The following JMJD1C variants were observed in gnomAD, a reference collection of about 807,000 sequenced individuals.
JMJD1C encodes the protein jumonji domain-containing protein 1C.
JMJD1C carries 31 observed loss-of-function variants against 245.3 expected under a neutral mutation model. That is an observed-to-expected ratio of 0.13 (90% CI 0.09 to 0.17). The LOEUF is 0.17. Among genes scored for constraint, JMJD1C ranks in the 10% least tolerant of loss-of-function variants. The pLI, the probability that JMJD1C is intolerant of heterozygous loss-of-function variation, is 1.00. For synonymous variants in JMJD1C, 1,057 were observed against 1,017.4 expected (o/e 1.04, Z -0.74); for missense variants, 2,691 against 3,000.2 (o/e 0.90, Z 2.41).
intron 5 of JMJD1C, among the ~76,000 whole-genome samples, chr10:63,216,434 G>A (rs1847985086): frequency 6.6e-6 from 1 of 152,098 alleles, no homozygotes; most frequent in South Asian, 2.1e-4. Context: ...ATAGGAGCCG[G>A]GCGCGGTGGC....
At chr10:63,486,643 A>G (rs192673415) in intron 1 of JMJD1C, among the ~76,000 whole-genome samples, 130 of 152,246 alleles carry the variant, frequency 8.5e-4, no homozygotes, top group Non-Finnish European at 8.8e-5. Context: ...TTAACTGCAT[A>G]TCACCCTGCA....
chr10:63,481,431 T>TA (rs1382426048), intron 1 of JMJD1C, among the ~76,000 whole-genome samples: 89 of 146,402 alleles, frequency 6.1e-4, no homozygotes, highest in Admixed American at 1.8e-3. Flanking sequence ...GAAAAACTGA[T>TA]TTTTTTTTTT....
At position 63,287,211 on chromosome 10, in the gene JMJD1C, G is replaced by A. The variant is rs1021268268; in HGVS notation, c.334-22447C>T. Among the ~76,000 whole-genome samples, 5 of 152,156 alleles carry A rather than the reference G, an allele frequency of 3.3e-5. No homozygotes were observed. In the East Asian group the frequency reaches 9.6e-4, roughly 29 times the overall value. ...CAGCTTTTGATGCAAAAAAGGATTA[G>A]GAAGTTTTATTCATTCAACAAATAT... On this transcript the variant is annotated intron_variant, in intron 2 of 25. Coordinates refer to ENST00000399262, the MANE Select transcript of JMJD1C (RefSeq NM_032776.3).
rs368307551 is a variant in JMJD1C, at chr10:63,465,486, C to T, written c.168+9G>A. 1.2e-4 allele frequency: 191 copies of T among 1,594,972 alleles called. 1 individual carries two copies. The African/African-American group carries it at 2.3e-3, about 19-fold the overall frequency. On this transcript the variant is annotated intron_variant, in intron 1 of 25. Transcript: ENST00000399262. ...CGGCAGGGGAAAAGGGGGGCGCTGA[C>T]TCTCTTACCGCCAGGTCCGGATTGC...
rs147744241 is a variant in JMJD1C at position 63,201,427 on chromosome 10, T to C, written c.5075-750A>G. 4.0e-3 allele frequency among the ~76,000 whole-genome samples: 604 copies of C among 152,264 alleles called. 2 individuals are homozygous for C. Among genetic ancestry groups the C allele is most frequent in the Non-Finnish European group, 5.2e-3 (352 of 68,022 alleles). The stretch of plus-strand genomic sequence containing the variant: ...AAAAGTAAAAAGGACAAAACTCTAA[T>C]GCATTATACAGTCTAATATGTGAAA... On this transcript the variant is annotated intron_variant, in intron 10 of 25. Coordinates refer to ENST00000399262, the MANE Select transcript of JMJD1C (RefSeq NM_032776.3).
At position 63,214,108 on chromosome 10, in the gene JMJD1C, G is replaced by C. The variant is rs370330170; in HGVS notation, c.2059C>G (p.His687Asp). 5 of 1,614,096 alleles carry C rather than the reference G, an allele frequency of 3.1e-6. No homozygotes were observed. The highest frequency in any genetic ancestry group is 4.2e-6 in the Non-Finnish European group (5 of 1,180,036). Residue 687 changes from histidine (H) to aspartate (D), a missense_variant, in exon 8 of 26, where the codon CAT becomes GAT. Physicochemically the swap from His to Asp is moderately conservative, Grantham distance 81. This residue lies in a region of JMJD1C where 1,562 missense variants were observed against 1,490.7 expected (regional missense o/e 1.05). Transcript: ENST00000399262. ...IEHELSRCSF[H>D]PIPTRSSTLE... ...GTACTGCTTCGAGTAGGAATTGGAT[G>C]AAAACTGCATCTTGATAGCTCATGT...
In JMJD1C at chr10:63,169,582, G is replaced by C. The variant is rs887471610; in HGVS notation, c.7402-1016C>G. On this transcript the variant is annotated intron_variant, in intron 24 of 25. Coordinates refer to ENST00000399262, the MANE Select transcript of JMJD1C (RefSeq NM_032776.3). ...ATGATAGGGTGATGGAATTCCAGAGGGGCTAGAATTCCTCCTCTGGGCATA... is the reference window on the plus strand; with the variant it reads ...ATGATAGGGTGATGGAATTCCAGAGCGGCTAGAATTCCTCCTCTGGGCATA... 5.3e-5 allele frequency among the ~76,000 whole-genome samples: 8 copies of C among 152,050 alleles called. No homozygotes were observed. The South Asian group carries it at 1.7e-3, about 32-fold the overall frequency.
chr10:63,380,258 G>A, intron 2 of JMJD1C, 60 bp downstream of exon 2: 3 of 1,552,312 alleles, frequency 1.9e-6, no homozygotes, highest in Non-Finnish European at 1.8e-6. Context: ...TTTTGTTGTT[G>A]TTGTTCTTTG....
intron 1 of JMJD1C, among the ~76,000 whole-genome samples, chr10:63,396,910 C>G (rs549541378): frequency 3.7e-4 from 54 of 146,358 alleles, no homozygotes; most frequent in African/African-American, 1.2e-3. Flanking sequence ...CAGCCACGTT[C>G]AAGAAGAACT....
At chr10:63,505,670 G>C (rs184084301) in intron 1 of JMJD1C, among the ~76,000 whole-genome samples, 1 of 152,132 alleles carries the variant, frequency 6.6e-6, no homozygotes, top group Non-Finnish European at 1.5e-5. Context: ...AACTGAGAAT[G>C]TTTGTTCAAG....
At position 63,414,083 on chromosome 10, in the gene JMJD1C, T is replaced by TTCATGCCATTCTCCTGCC. The variant is rs1949661009; in HGVS notation, c.169-33619_169-33602dup. The stretch of plus-strand genomic sequence containing the variant: ...CTCACTGCAAGCCCCACCTCCTGGG[T>TTCATGCCATTCTCCTGCC]TCATGCCATTCTCCTGCCTCAGCCT... On this transcript the variant is annotated intron_variant, in intron 1 of 25. Coordinates refer to ENST00000399262, the MANE Select transcript of JMJD1C (RefSeq NM_032776.3). Among the ~76,000 whole-genome samples, 3 of 150,076 alleles carry TTCATGCCATTCTCCTGCC rather than the reference T, an allele frequency of 2.0e-5. No individual in the cohort carries two copies. In the South Asian group the frequency reaches 6.3e-4, roughly 32 times the overall value.
rs576249485 is a variant in JMJD1C at position 63,453,503 on chromosome 10, T to C, written c.168+11992A>G. On this transcript the variant is annotated intron_variant, in intron 1 of 25. Transcript: ENST00000399262. ...AGATAGTCCACAAATATTCCTAAAA[T>C]ATAGCAAAAGACACAGACATTTTAT... Among the ~76,000 whole-genome samples the C allele has an allele frequency of 2.1e-3, 316 of 152,212 alleles. 2 individuals carry two copies. The highest frequency in any genetic ancestry group is 3.5e-3 in the Non-Finnish European group (241 of 68,006).
chr10:63,510,170 A>AT (rs1384415372), intron 1 of JMJD1C, among the ~76,000 whole-genome samples: 1 of 151,660 alleles, frequency 6.6e-6, no homozygotes, highest in Non-Finnish European at 1.5e-5. Flanking sequence ...CGCCCGGATA[A>AT]TTTTTTGTAT....
rs1847835005 is a variant in JMJD1C at position 63,215,171 on chromosome 10, A to G, written c.1016-20T>C. On this transcript the variant is annotated intron_variant, in intron 7 of 25. Coordinates refer to ENST00000399262, the MANE Select transcript of JMJD1C (RefSeq NM_032776.3). The stretch of plus-strand genomic sequence containing the variant: ...GATTTTCTGTAGGATTAAAGAAAGA[A>G]GAGTCTTATTTTTCATACTAAATAA... The G allele has an allele frequency of 6.6e-7, 1 of 1,516,258 alleles. No individual in the cohort carries two copies. Among genetic ancestry groups the G allele is most frequent in the South Asian group, 1.2e-5 (1 of 80,272 alleles). The allele number at this position is 1,516,258 out of a possible 1,614,324, so 93.9% of individuals were successfully genotyped here. A position where few individuals can be genotyped will look rare whatever the true frequency, so the allele number is the denominator to read the frequency against.
intron 1 of JMJD1C, among the ~76,000 whole-genome samples, chr10:63,402,021 CT>C (rs1283485756): frequency 1.3e-5 from 2 of 151,806 alleles, no homozygotes; most frequent in Non-Finnish European, 2.9e-5. Context: ...GTAATGTCAG[CT>C]ACTCGGGAAG....
intron 1 of JMJD1C, among the ~76,000 whole-genome samples, chr10:63,414,463 A>G (rs1003124330): frequency 6.6e-6 from 1 of 152,162 alleles, no homozygotes; most frequent in African/African-American, 2.4e-5. Flanking sequence ...ATAAGGCCAG[A>G]GTTTGTTCCC....
At chr10:63,254,539 T>G (rs933965837) in intron 3 of JMJD1C, among the ~76,000 whole-genome samples, 1 of 152,166 alleles carries the variant, frequency 6.6e-6, no homozygotes, top group Non-Finnish European at 1.5e-5. Context: ...CTCTAAAATT[T>G]TGAGTTCAGG....
chr10:63,351,826 A>T (rs1281912818), intron 2 of JMJD1C, among the ~76,000 whole-genome samples: 1 of 152,212 alleles, frequency 6.6e-6, no homozygotes, highest in Non-Finnish European at 1.5e-5. Flanking sequence ...GAATGCCGTA[A>T]CCACAAACCA....
chr10:63,321,230 TA>T (rs1189917482), intron 2 of JMJD1C, among the ~76,000 whole-genome samples: 1 of 152,204 alleles, frequency 6.6e-6, no homozygotes, highest in Non-Finnish European at 1.5e-5. Flanking sequence ...TCGGTAAACA[TA>T]ATAAGTAAAG....
Sources: gnomAD v4.1 joint callset for allele counts (sites outside exome capture counted in the v4.1 genomes callset) on GRCh38, gnomAD v4.1.1 for gene constraint, gnomAD v4.1.1 regional missense constraint, MANE v1.5 for transcripts, NCBI Gene and HGNC (gene_info 2026-07-23, HGNC 2026-07-21) for gene names.